GLIS3: variants seen among roughly 807,000 people sequenced by gnomAD.
The protein encoded by GLIS3 is zinc finger protein GLIS3.
GLIS3 carries 53 observed loss-of-function variants against 78.6 expected under a neutral mutation model. The observed-to-expected ratio is 0.67, with a 90% CI of 0.54 to 0.85. The LOEUF (loss-of-function observed/expected upper bound fraction) is 0.85. Ranked by LOEUF, GLIS3 falls within the 40% of genes least tolerant of loss-of-function variation. GLIS3 has a pLI of 0.00. For synonymous variants in GLIS3, 684 were observed against 509.9 expected, an observed-to-expected ratio of 1.34 and a Z score of -4.60; for missense variants, 1,703 against 1,231.1, an observed-to-expected ratio of 1.38 and a Z score of -5.74.
chr9:4,268,671 A>C (rs1197693315), intron 2 of GLIS3, among the ~76,000 whole-genome samples: 2 of 152,222 alleles, frequency 1.3e-5, no homozygotes, highest in East Asian at 1.9e-4. Context: ...ATTGACACCC[A>C]CATAGAATAC....
chr9:3,907,707 G>A (rs908733189), intron 6 of GLIS3, among the ~76,000 whole-genome samples: 6 of 151,580 alleles, frequency 4.0e-5, no homozygotes, highest in African/African-American at 9.7e-5. Context: ...GAGACGTTAT[G>A]TTCCAGAGCT....
chr9:4,291,758 C>T (rs924669390), intron 1 of GLIS3, among the ~76,000 whole-genome samples: 8 of 152,144 alleles, frequency 5.3e-5, no homozygotes, highest in Admixed American at 1.3e-4. Context: ...AAATTCAGGA[C>T]CTTCAGGAAT....
the GLIS3 span, among the ~76,000 whole-genome samples, chr9:4,389,431 T>C: frequency 1.3e-5 from 2 of 152,190 alleles, no homozygotes; most frequent in East Asian, 1.9e-4. Context: ...TCATTTTGCC[T>C]GGATATCGCA....
chr9:3,967,040 A>AAAAAAAAAAAAAAAG (rs1226736845), intron 4 of GLIS3, among the ~76,000 whole-genome samples: 2 of 129,628 alleles, frequency 1.5e-5, no homozygotes, highest in Non-Finnish European at 3.3e-5. Context: ...AAAACAAAAA[A>AAAAAAAAAAAAAAAG]ACATTTTGAG....
chr9:3,891,424 C>T (rs919786072), intron 7 of GLIS3, among the ~76,000 whole-genome samples: 4 of 152,106 alleles, frequency 2.6e-5, no homozygotes, highest in African/African-American at 7.2e-5. Context: ...AAAAAAGAGC[C>T]GCTGCCATGG....
intron 2 of GLIS3, among the ~76,000 whole-genome samples, chr9:4,182,103 A>G (rs1817379564): frequency 1.3e-5 from 2 of 152,216 alleles, no homozygotes; most frequent in South Asian, 4.1e-4. Flanking sequence ...CAACGAGAAG[A>G]CAAGCAAAGA....
intron 2 of GLIS3, among the ~76,000 whole-genome samples, chr9:4,170,595 C>G (rs1257775849): frequency 6.6e-6 from 1 of 152,158 alleles, no homozygotes; most frequent in South Asian, 2.1e-4. Flanking sequence ...AAAGATCAAG[C>G]ATGTGTTCAG....
At chr9:4,305,643 A>C (rs1032532758) in intron 4 of GLIS3, 1 of 152,226 alleles carries the variant, frequency 6.6e-6, no homozygotes, top group African/African-American at 2.4e-5. Context: ...CATGTAACCC[A>C]GTTTGGGCTA....
At chr9:4,333,374 A>T (rs1385137219) in intron 2 of GLIS3, among the ~76,000 whole-genome samples, 1 of 151,834 alleles carries the variant, frequency 6.6e-6, no homozygotes, top group Non-Finnish European at 1.5e-5. Flanking sequence ...AAAAGGGAAG[A>T]AAGGAAGGGA....
rs535236893 is a variant in GLIS3, at chr9:4,025,216, C to T, written c.1711-88027G>A. 4.6e-5 allele frequency among the ~76,000 whole-genome samples: 7 copies of T among 151,620 alleles called. No individual in the cohort carries two copies. In the East Asian group the frequency reaches 1.4e-3, roughly 29 times the overall value. ...GCAGTGAGCCAAGATGGCGGCACTG[C>T]ACTCCAACCTAGGCAACAGTGAGAC... On this transcript the variant is annotated intron_variant, in intron 4 of 10. Transcript: ENST00000381971.
chr9:4,053,705 T>TTAAAAAAAAAAAAAAA (rs1554682400), intron 4 of GLIS3, among the ~76,000 whole-genome samples: 14 of 91,148 alleles, frequency 1.5e-4, no homozygotes, highest in South Asian at 4.8e-4. Flanking sequence ...TCTTTCTTCA[T>TTAAAAAAAAAAAAAAA]AAAAAAAAAA....
intron 2 of GLIS3, among the ~76,000 whole-genome samples, chr9:4,231,607 A>G (rs1224991945): frequency 2.6e-5 from 4 of 152,210 alleles, no homozygotes; most frequent in African/African-American, 4.8e-5. Context: ...AAAACTCTTA[A>G]AGGAACAACA....
intron 2 of GLIS3, among the ~76,000 whole-genome samples, chr9:4,159,643 C>T (rs565752722): frequency 2.0e-5 from 3 of 151,756 alleles, no homozygotes; most frequent in Admixed American, 6.6e-5. Context: ...TGCTTGAATC[C>T]GGGAGGCAGA....
chr9:3,834,036 G>A (rs1381446693), intron 9 of GLIS3, among the ~76,000 whole-genome samples: 1 of 152,122 alleles, frequency 6.6e-6, no homozygotes, highest in Admixed American at 6.5e-5. Context: ...TTCAGAAATG[G>A]CCAGCTATAT....
At chr9:4,483,545 C>T in the GLIS3 span, among the ~76,000 whole-genome samples, 7 of 151,868 alleles carry the variant, frequency 4.6e-5, no homozygotes, top group East Asian at 1.9e-4. Flanking sequence ...TGGTGAAACC[C>T]CATCTCTACT....
chr9:4,393,648 A>C, the GLIS3 span, among the ~76,000 whole-genome samples: 1 of 152,094 alleles, frequency 6.6e-6, no homozygotes, highest in East Asian at 1.9e-4. Flanking sequence ...TTATTTTGTA[A>C]AATGTCCCCC....
the GLIS3 span, among the ~76,000 whole-genome samples, chr9:4,402,439 A>G: frequency 1.3e-5 from 2 of 152,254 alleles, no homozygotes; most frequent in Non-Finnish European, 2.9e-5. Flanking sequence ...ACAAGCATCA[A>G]CACCATCCAG....
chr9:4,214,102 C>G (rs1266238789), intron 2 of GLIS3, among the ~76,000 whole-genome samples: 3 of 152,108 alleles, frequency 2.0e-5, no homozygotes, highest in South Asian at 4.1e-4. Flanking sequence ...CCTCTGCTGC[C>G]CAGCATAGGC....
chr9:4,362,119 G>A, the GLIS3 span, among the ~76,000 whole-genome samples: 2 of 152,240 alleles, frequency 1.3e-5, no homozygotes, highest in Non-Finnish European at 2.9e-5. Flanking sequence ...AGCCACACAT[G>A]CCTAGGGAGG....
Sources: allele counts gnomAD v4.1 joint callset (sites outside exome capture counted in the v4.1 genomes callset), GRCh38; gene constraint gnomAD v4.1.1; transcripts MANE v1.5; gene names NCBI Gene and HGNC (gene_info 2026-07-23, HGNC 2026-07-21).